Variants in PCDH15 observed in about 807,000 individuals in gnomAD.
The protein encoded by PCDH15 is protocadherin-15.
PCDH15 carries 129 observed loss-of-function variants against 178.5 expected under a neutral mutation model. The ratio of observed to expected loss-of-function variants is 0.72; its 90% CI spans 0.63 to 0.84. The LOEUF (loss-of-function observed/expected upper bound fraction) is 0.84, where lower values mean the gene tolerates loss of function less well. Ranked by LOEUF, PCDH15 falls within the 40% of genes least tolerant of loss-of-function variation. PCDH15 has a pLI of 0.00. For missense variants in PCDH15, 2,230 were observed against 2,099.9 expected (o/e 1.06, Z -1.21); for synonymous variants, 800 against 732.0 (o/e 1.09, Z -1.50).
At chr10:55,011,986 A>G (rs892992818) in intron 2 of PCDH15, among the ~76,000 whole-genome samples, 10 of 152,088 alleles carry the variant, frequency 6.6e-5, no homozygotes, top group African/African-American at 1.7e-4. Flanking sequence ...CATTTCTGAC[A>G]ACAGGAAGAG....
chr10:54,614,420 T>C (rs962145278), intron 2 of PCDH15, among the ~76,000 whole-genome samples: 1 of 152,034 alleles, frequency 6.6e-6, no homozygotes, highest in Non-Finnish European at 1.5e-5. Flanking sequence ...GGGTTATTGT[T>C]GAGGCAATAT....
chr10:53,878,880 G>A (rs2080481247), intron 26 of PCDH15, among the ~76,000 whole-genome samples: 1 of 152,078 alleles, frequency 6.6e-6, no homozygotes, highest in Non-Finnish European at 1.5e-5. Flanking sequence ...TTAGATACAT[G>A]AGCTTGGGCA....
chr10:53,972,238 T>G (rs949101335), intron 21 of PCDH15, among the ~76,000 whole-genome samples: 6 of 151,026 alleles, frequency 4.0e-5, no homozygotes, highest in Non-Finnish European at 5.9e-5. Context: ...TAGCCATATG[T>G]AGAAAGCTGA....
At chr10:54,327,907 C>G (rs997942617) in intron 7 of PCDH15, among the ~76,000 whole-genome samples, 2 of 151,966 alleles carry the variant, frequency 1.3e-5, no homozygotes, top group African/African-American at 4.8e-5. Context: ...ACGTGCACAT[C>G]CTCCCCACTT....
chr10:53,834,518 G>GTGT (rs1299588911), intron 29 of PCDH15, among the ~76,000 whole-genome samples: 2 of 141,654 alleles, frequency 1.4e-5, no homozygotes, highest in Non-Finnish European at 3.1e-5. Context: ...ACAGAAATGT[G>GTGT]TTTTTTTTTT....
intron 2 of PCDH15, among the ~76,000 whole-genome samples, chr10:55,078,162 T>C (rs1426813702): frequency 6.6e-6 from 1 of 152,164 alleles, no homozygotes; most frequent in Non-Finnish European, 1.5e-5. Context: ...TGGCCTGTAA[T>C]GTTTATGTTG....
At chr10:54,814,153 A>C (rs1208976203) in intron 3 of PCDH15, among the ~76,000 whole-genome samples, 1 of 152,224 alleles carries the variant, frequency 6.6e-6, no homozygotes, top group Non-Finnish European at 1.5e-5. Flanking sequence ...ATGTGTCACC[A>C]TAACATTGTG....
intron 25 of PCDH15, among the ~76,000 whole-genome samples, chr10:53,925,896 G>T (rs186132428): frequency 6.6e-6 from 1 of 152,046 alleles, no homozygotes; most frequent in East Asian, 1.9e-4. Context: ...TGAGACTAGC[G>T]ACGCTTGGCA....
intron 2 of PCDH15, among the ~76,000 whole-genome samples, chr10:54,969,520 G>C (rs993944014): frequency 6.6e-6 from 1 of 152,120 alleles, no homozygotes; most frequent in South Asian, 2.1e-4. Flanking sequence ...TTAGATGTCT[G>C]TGCCAATCAA....
intron 23 of PCDH15, among the ~76,000 whole-genome samples, chr10:53,945,739 C>T (rs1459684354): frequency 3.3e-5 from 5 of 150,590 alleles, no homozygotes; most frequent in South Asian, 2.1e-4. Context: ...GACAAATGAA[C>T]GTATTTGAGA....
intron 13 of PCDH15, among the ~76,000 whole-genome samples, chr10:54,181,443 G>A (rs1362997422): frequency 6.6e-6 from 1 of 151,762 alleles, no homozygotes; most frequent in Non-Finnish European, 1.5e-5. Flanking sequence ...TTATTACCTG[G>A]GTATATTGCA....
intron 13 of PCDH15, among the ~76,000 whole-genome samples, chr10:54,168,679 A>C (rs2133574890): frequency 6.6e-6 from 1 of 152,216 alleles, no homozygotes; most frequent in Middle Eastern, 3.4e-3. Flanking sequence ...TTTTCATCAA[A>C]TATAAAAATC....
chr10:54,318,199 C>G (rs1317492800), intron 7 of PCDH15, among the ~76,000 whole-genome samples: 1 of 152,198 alleles, frequency 6.6e-6, no homozygotes, highest in African/African-American at 2.4e-5. Context: ...TTCCCAGTTT[C>G]TGTGGGAGGT....
At chr10:55,243,102 G>C (rs1841596520) in intron 1 of PCDH15, among the ~76,000 whole-genome samples, 1 of 151,908 alleles carries the variant, frequency 6.6e-6, no homozygotes, top group African/African-American at 2.4e-5. Context: ...ACTAGGAGTA[G>C]GCAAAAAGAA....
At chr10:54,107,991 T>G (rs1304387874) in intron 15 of PCDH15, among the ~76,000 whole-genome samples, 3 of 152,118 alleles carry the variant, frequency 2.0e-5, no homozygotes, top group African/African-American at 4.8e-5. Flanking sequence ...AGGGCATTTG[T>G]GTAGACTCTC....
At chr10:55,317,059 TCATTGTC>T (rs1426864120) in intron 1 of PCDH15, among the ~76,000 whole-genome samples, 1 of 152,128 alleles carries the variant, frequency 6.6e-6, no homozygotes, top group Admixed American at 6.6e-5. Flanking sequence ...GCACTACTAT[TCATTGTC>T]ATCATAATAA....
At chr10:54,630,090 A>G (rs1267175297) in intron 2 of PCDH15, among the ~76,000 whole-genome samples, 1 of 152,072 alleles carries the variant, frequency 6.6e-6, no homozygotes, top group African/African-American at 2.4e-5. Flanking sequence ...ATCATAGATG[A>G]AACAAATGGG....
intron 2 of PCDH15, among the ~76,000 whole-genome samples, chr10:55,163,058 C>T (rs2132115149): frequency 6.6e-6 from 1 of 152,236 alleles, no homozygotes; most frequent in East Asian, 1.9e-4. Flanking sequence ...CTCAGAAGCA[C>T]ACTCAGTCCA....
At position 55,161,210 on chromosome 10, in the gene PCDH15, C is replaced by T. The variant is rs563603504; in HGVS notation, c.-80+5366G>A. Among the ~76,000 whole-genome samples, 8 of 152,188 alleles carry T rather than the reference C, an allele frequency of 5.3e-5. No homozygotes were observed. In the South Asian group the frequency reaches 1.7e-3, roughly 32 times the overall value. ...GTTTATTCTCTGCAAAAAGTTATTC[C>T]CTTCTTCATGCCCTCCTCTACTGCT... On this transcript the variant is annotated intron_variant, in intron 2 of 5. Transcript: ENST00000458638.
Sources: allele counts gnomAD v4.1 joint callset (sites outside exome capture counted in the v4.1 genomes callset), GRCh38; gene constraint gnomAD v4.1.1; transcripts MANE v1.5; gene names NCBI Gene and HGNC (gene_info 2026-07-23, HGNC 2026-07-21).